The following LMO3 variants were observed in gnomAD, a reference collection of about 807,000 sequenced individuals.
LMO3 encodes LIM domain only 3.
In LMO3, 2 loss-of-function variants were observed where a neutral mutation model predicts 15.8. The ratio of observed to expected loss-of-function variants is 0.13; its 90% CI spans 0.05 to 0.40. LMO3 has a LOEUF of 0.40. LMO3 is among the 10% of genes least tolerant of loss of function. The pLI is 0.99. For missense variants in LMO3, 86 were observed against 182.2 expected (o/e 0.47, Z 3.04); for synonymous variants, 62 against 63.8 (o/e 0.97, Z 0.13).
chr12:16,602,899 C>T (rs1292861777), intron 1 of LMO3, among the ~76,000 whole-genome samples: 1 of 151,844 alleles, frequency 6.6e-6, no homozygotes, highest in Non-Finnish European at 1.5e-5. Flanking sequence ...TTAAGAGAAG[C>T]CATTCTAATT....
intron 2 of LMO3, among the ~76,000 whole-genome samples, chr12:16,564,450 C>T (rs932399419): frequency 1.3e-5 from 2 of 152,192 alleles, no homozygotes; most frequent in Non-Finnish European, 2.9e-5. Flanking sequence ...TCTAACGTTC[C>T]TGCGGACTGG....
chr12:16,590,858 A>T (rs1943473086), intron 2 of LMO3, among the ~76,000 whole-genome samples: 1 of 152,088 alleles, frequency 6.6e-6, no homozygotes, highest in South Asian at 2.1e-4. Context: ...ACGTGACCAA[A>T]TCCAGAAGCC....
rs1468613279 is a variant in LMO3, at chr12:16,599,115, T to G, written c.206+1540A>C. On this transcript the variant is annotated intron_variant, in intron 2 of 3. Transcript: ENST00000537304. The surrounding 1 kb of genome is among the most constrained non-coding windows in gnomAD (Gnocchi z 4.1). ...GTGGAAATGAGGCTCTAATTCACAA[T>G]GGGCAGAAGAGAAATTTTTATTTCA... 2.0e-5 allele frequency: 3 copies of G among 152,744 alleles called. No homozygotes were observed. The highest frequency in any genetic ancestry group is 4.4e-5 in the Non-Finnish European group (3 of 68,306). 9.5% of individuals were successfully genotyped at this position (152,744 alleles called of 1,614,324 possible).
At chr12:16,551,589 C>G (rs726261) in intron 3 of LMO3, among the ~76,000 whole-genome samples, 31,784 of 148,382 alleles carry the variant, frequency 0.21, 3,418 homozygotes, top group African/African-American at 0.26. Context: ...CCAAAGATGA[C>G]TTGCTTTTTT....
At position 16,560,563 on chromosome 12, in the gene LMO3, T is replaced by TC; in HGVS notation, c.207-26_207-25insG. 6.2e-7 allele frequency: 1 copy of TC among 1,601,194 alleles called. No homozygotes were observed. The highest frequency in any genetic ancestry group is 8.5e-7 in the Non-Finnish European group (1 of 1,174,774). On this transcript the variant is annotated intron_variant, in intron 2 of 3. Transcript: ENST00000537304. This position sits in a 1 kb window ranked among gnomAD's most constrained non-coding sequence, Gnocchi z 5.0. ...CCTAGAATAAGAAACATTTTTTTTTTTTTACAAACTCTTACAGAGAAATCT... is the reference window on the plus strand; with the variant it reads ...CCTAGAATAAGAAACATTTTTTTTTTCTTTACAAACTCTTACAGAGAAATCT...
In LMO3 at chr12:16,585,767, A is replaced by G. The variant is rs1243437827; in HGVS notation, c.206+14888T>C. ...AGAAATTACAAAAGGCTGGAGAATC[A>G]ATTAACATATATACTTCTAAACAAT... is the stretch of plus-strand genomic sequence containing the variant. On this transcript the variant is annotated intron_variant, in intron 2 of 3. Transcript: ENST00000537304. The surrounding 1 kb of genome is among the most constrained non-coding windows in gnomAD (Gnocchi z 4.7). Among the ~76,000 whole-genome samples the G allele has an allele frequency of 6.6e-6, 1 of 152,222 alleles. No homozygotes were observed. The highest frequency in any genetic ancestry group is 2.4e-5 in the African/African-American group (1 of 41,462).
At chr12:16,577,383 C>G (rs1056984146) in intron 2 of LMO3, among the ~76,000 whole-genome samples, 4 of 152,146 alleles carry the variant, frequency 2.6e-5, no homozygotes, top group African/African-American at 9.7e-5. Flanking sequence ...ATTAAAATCA[C>G]ATTTTCCTAA....
rs903049230 is a variant in LMO3 at position 16,550,009 on chromosome 12, T to A, written c.*1213A>T. 1 of 152,046 alleles carries A rather than the reference T, an allele frequency of 6.6e-6. No individual in the cohort carries two copies. Among genetic ancestry groups the A allele is most frequent in the Non-Finnish European group, 1.5e-5 (1 of 67,928 alleles). The allele number at this position is 152,046 out of a possible 1,614,324, so 9.4% of individuals were successfully genotyped here. A position where few individuals can be genotyped will look rare whatever the true frequency, so the allele number is the denominator to read the frequency against. On this transcript the variant is annotated 3_prime_UTR_variant, in exon 4 of 4. Coordinates refer to ENST00000537304, the MANE Select transcript of LMO3 (RefSeq NM_018640.5). ...ACTTAAAGTGTTTACTTTTTGAACA[T>A]TAAAATAAATGTCAGGTAAATACAG...
At chr12:16,594,988 A>G (rs1192246773) in intron 2 of LMO3, among the ~76,000 whole-genome samples, 1 of 151,532 alleles carries the variant, frequency 6.6e-6, no homozygotes, top group African/African-American at 2.4e-5. Flanking sequence ...GTATTTATAA[A>G]GTGCAAAATA....
intron 2 of LMO3, among the ~76,000 whole-genome samples, chr12:16,565,209 AT>A (rs903973635): frequency 6.6e-6 from 1 of 152,232 alleles, no homozygotes; most frequent in Non-Finnish European, 1.5e-5. Flanking sequence ...AGACTATGAA[AT>A]TGCAATCAAT....
intron 2 of LMO3, among the ~76,000 whole-genome samples, chr12:16,565,197 G>A (rs950519555): frequency 6.6e-6 from 1 of 152,122 alleles, no homozygotes; most frequent in African/African-American, 2.4e-5. Flanking sequence ...TTTGGCTTTC[G>A]AAGACTATGA....
chr12:16,592,012 T>C (rs1008073025), intron 2 of LMO3, among the ~76,000 whole-genome samples: 2 of 152,070 alleles, frequency 1.3e-5, no homozygotes, highest in Non-Finnish European at 2.9e-5. Context: ...TTATCAGGTG[T>C]AGAAAATTTG....
intron 2 of LMO3, among the ~76,000 whole-genome samples, chr12:16,579,134 T>G (rs2137519801): frequency 6.6e-6 from 1 of 152,312 alleles, no homozygotes; most frequent in South Asian, 2.1e-4. Flanking sequence ...GGATTTTTTT[T>G]TGAAGAGAAC....
rs984477215 is a variant in LMO3 at position 16,576,043 on chromosome 12, T to A, written c.207-15505A>T. ...GCCCTGCCGCTGTGTTAAAAGGGGA[T>A]CTGTCCTCTTTTGTCTCAGTAAGCT... On this transcript the variant is annotated intron_variant, in intron 2 of 3. Transcript: ENST00000537304. The surrounding 1 kb of genome is among the most constrained non-coding windows in gnomAD (Gnocchi z 4.1). Among the ~76,000 whole-genome samples the A allele has an allele frequency of 6.6e-6, 1 of 152,150 alleles. No homozygotes were observed. Among genetic ancestry groups the A allele is most frequent in the Non-Finnish European group, 1.5e-5 (1 of 68,030 alleles).
Position 16,582,376 on chromosome 12 carries a change from A to G in LMO3, c.206+18279T>C, listed in dbSNP as rs1943189281. On this transcript the variant is annotated intron_variant, in intron 2 of 3. Transcript: ENST00000537304. The surrounding 1 kb of genome is among the most constrained non-coding windows in gnomAD (Gnocchi z 4.1). The stretch of plus-strand genomic sequence containing the variant: ...TTTAGACAGTGACAGACTATTTGCT[A>G]ATATCTTTCAAGTTTTTGTATCTGT... 6.6e-6 allele frequency among the ~76,000 whole-genome samples: 1 copy of G among 152,230 alleles called. No individual in the cohort carries two copies. The highest frequency in any genetic ancestry group is 6.5e-5 in the Admixed American group (1 of 15,284).
chr12:16,605,432 G>A (rs1480638653), intron 1 of LMO3: 23 of 632,532 alleles, frequency 3.6e-5, no homozygotes, highest in South Asian at 7.0e-5. Flanking sequence ...GCCCCTACCC[G>A]CCTGCCCCCC....
At chr12:16,574,047 A>C (rs1207654657) in intron 2 of LMO3, 1 of 152,132 alleles carries the variant, frequency 6.6e-6, no homozygotes, top group Non-Finnish European at 1.5e-5. Context: ...CCGAAGTAAC[A>C]AATGTGTCCA....
At chr12:16,594,515 G>C (rs1943589739) in intron 2 of LMO3, among the ~76,000 whole-genome samples, 1 of 151,496 alleles carries the variant, frequency 6.6e-6, no homozygotes, top group Non-Finnish European at 1.5e-5. Context: ...TGATAAAAGT[G>C]AGAAACATTG....
chr12:16,582,006 A>G lies in LMO3; in HGVS notation c.206+18649T>C, dbSNP rs1035260754. ...TTACTTCGTTTTCTTATCTTATTAC[A>G]TTGGCTAGACCCTTTAAAACATTAA... is the stretch of plus-strand genomic sequence containing the variant. On this transcript the variant is annotated intron_variant, in intron 2 of 3. Coordinates refer to ENST00000537304, the MANE Select transcript of LMO3 (RefSeq NM_018640.5). The surrounding 1 kb of genome is among the most constrained non-coding windows in gnomAD (Gnocchi z 4.1). Among the ~76,000 whole-genome samples, 1 of 152,066 alleles carries G rather than the reference A, an allele frequency of 6.6e-6. No homozygotes were observed. The highest frequency in any genetic ancestry group is 2.4e-5 in the African/African-American group (1 of 41,408).
Sources: gnomAD v4.1 joint callset for allele counts (sites outside exome capture counted in the v4.1 genomes callset) on GRCh38, gnomAD v4.1.1 for gene constraint, Gnocchi (gnomAD v3.1) non-coding constraint, MANE v1.5 for transcripts, NCBI Gene and HGNC (gene_info 2026-07-23, HGNC 2026-07-21) for gene names.